Variants in DNAAF4 observed in about 807,000 individuals in gnomAD.
DNAAF4 encodes dynein axonemal assembly factor 4, also known as dynein assembly factor 4, axonemal.
Under a neutral mutation model 51.8 loss-of-function variants are expected in DNAAF4, and 43 were observed. The ratio of observed to expected loss-of-function variants is 0.83; its 90% CI spans 0.65 to 1.07. The LOEUF is 1.07. DNAAF4 is among the 50% of genes least tolerant of loss of function. The pLI is 0.00. For synonymous variants in DNAAF4, 194 were observed against 165.6 expected (o/e 1.17, Z -1.32); for missense variants, 581 against 493.0 (o/e 1.18, Z -1.69).
At chr15:55,465,558 T>C (rs549886509) in intron 5 of DNAAF4, among the ~76,000 whole-genome samples, 1 of 150,602 alleles carries the variant, frequency 6.6e-6, no homozygotes, top group African/African-American at 2.5e-5. Context: ...ATACCATATG[T>C]TCTCACTTTT....
chr15:55,433,838 T>TTATA (rs1458092275), intron 8 of DNAAF4, among the ~76,000 whole-genome samples: 7,340 of 67,194 alleles, frequency 0.11, 563 homozygotes, highest in Non-Finnish European at 0.16. Flanking sequence ...ATTACATATA[T>TTATA]TATATATTAT....
chr15:55,485,823 T>C (rs371477873), intron 4 of DNAAF4, among the ~76,000 whole-genome samples: 9 of 151,816 alleles, frequency 5.9e-5, no homozygotes, highest in East Asian at 3.9e-4. Context: ...TGAAACCCCA[T>C]CTCTACCAAA....
chr15:55,478,287 T>C (rs952475072), intron 4 of DNAAF4, among the ~76,000 whole-genome samples: 5 of 152,208 alleles, frequency 3.3e-5, no homozygotes, highest in African/African-American at 9.6e-5. Flanking sequence ...AACCTGCCAA[T>C]TTGAAAAACA....
Position 55,497,821 on chromosome 15 carries a change from A to C in DNAAF4, c.162T>G (p.Tyr54Ter). The change falls in exon 3 of 10, where the codon TAT becomes TAG. Residue 54 changes from tyrosine to a stop codon, truncating the protein, a stop_gained. Coordinates refer to ENST00000321149, the MANE Select transcript of DNAAF4 (RefSeq NM_130810.4). LOFTEE classifies it high-confidence loss of function. ...TGCTGCTCTCATCGTCTATGGGAGC[A>C]TAAAGAAATGCCTCAAATAAAAATG... ...FPPFLFEAFL[Y>*]APIDDESSKA... is the part of the protein sequence containing the mutation. 6.2e-7 allele frequency: 1 copy of C among 1,613,110 alleles called. No homozygotes were observed. Among genetic ancestry groups the C allele is most frequent in the Non-Finnish European group, 8.5e-7 (1 of 1,179,682 alleles).
chr15:55,467,157 T>C lies in DNAAF4; in HGVS notation c.410A>G (p.Glu137Gly). The C allele has an allele frequency of 6.5e-7, 1 of 1,537,260 alleles. No homozygotes were observed. Among genetic ancestry groups the C allele is most frequent in the Non-Finnish European group, 8.8e-7 (1 of 1,142,038 alleles). Reference sequence around the variant, plus strand: ...TTCTATTTTTTTCCTCTCTTCTTCTTCAATCTATAACAATTGCAATTACCA... The same window carrying C: ...TTCTATTTTTTTCCTCTCTTCTTCTCCAATCTATAACAATTGCAATTACCA... Reference protein sequence around the residue: ...KYALSVMMKIEEEERKKIEDM... With the variant: ...KYALSVMMKIGEEERKKIEDM... The change falls in exon 5 of 10, where the codon GAA becomes GGA. Residue 137 changes from glutamate to glycine, a missense_variant. Physicochemically the swap from Glu to Gly is moderately conservative, Grantham distance 98 (BLOSUM62 -2). Coordinates refer to ENST00000321149, the MANE Select transcript of DNAAF4 (RefSeq NM_130810.4).
intron 5 of DNAAF4, among the ~76,000 whole-genome samples, chr15:55,450,738 A>G (rs540863270): frequency 1.6e-4 from 24 of 152,306 alleles, no homozygotes; most frequent in African/African-American, 5.8e-4. Flanking sequence ...TATCTCCTAC[A>G]TACTTTATCT....
intron 4 of DNAAF4, among the ~76,000 whole-genome samples, chr15:55,489,090 A>G (rs1441547551): frequency 1.3e-5 from 2 of 149,980 alleles, no homozygotes; most frequent in African/African-American, 4.9e-5. Context: ...CTCCATCTCA[A>G]AAAAAAAAAA....
At chr15:55,450,434 A>T in intron 5 of DNAAF4, 67 bp from the exon 6 acceptor site, 1 of 1,521,010 alleles carries the variant, frequency 6.6e-7, no homozygotes, top group Non-Finnish European at 8.9e-7. Flanking sequence ...CAACTGATAA[A>T]GTAATTACAC....
rs1293499690 is a variant in DNAAF4 at position 55,448,532 on chromosome 15, GTGTGTGTGT to G, written c.783+1681_783+1689del. ...AAAAAAAAAAAGGGTGTGTGTGTGT[GTGTGTGTGT>G]GTGTGTGTGTGTGTGTGTATAAACA... On this transcript the variant is annotated intron_variant, in intron 6 of 9. Transcript: ENST00000321149. Among the ~76,000 whole-genome samples the G allele has an allele frequency of 3.2e-3, 414 of 129,802 alleles. 7 individuals carry two copies. Among genetic ancestry groups the G allele is most frequent in the African/African-American group, 0.012 (395 of 32,204 alleles). 85.2% of individuals were successfully genotyped at this position (129,802 alleles called of 152,430 possible). A position where few individuals can be genotyped will look rare whatever the true frequency, so the allele number is the denominator to read the frequency against.
At chr15:55,426,257 G>A (rs1233361001), downstream of DNAAF4, among the ~76,000 whole-genome samples, 1 of 152,178 alleles carries the variant, frequency 6.6e-6, no homozygotes, top group Non-Finnish European at 1.5e-5. Context: ...GCAGTTTAGT[G>A]AGGGTCAGAA....
intron 4 of DNAAF4, 68 bp downstream of exon 4, chr15:55,491,055 G>C (rs192844280): frequency 6.4e-7 from 1 of 1,570,586 alleles, no homozygotes; most frequent in East Asian, 2.3e-5. Flanking sequence ...CCAGCAGCTG[G>C]AACTCACTAT....
intron 1 of DNAAF4, among the ~76,000 whole-genome samples, chr15:55,502,743 G>T (rs554232602): frequency 1.3e-5 from 2 of 152,118 alleles, no homozygotes; most frequent in African/African-American, 4.8e-5. Flanking sequence ...AAGACACAAC[G>T]TACCAGAATC....
rs755746635 is a variant in DNAAF4 at position 55,439,455 on chromosome 15, G to C, written c.893+17C>G. Reference sequence around the variant, plus strand: ...TCATACATGATAAAGCTCATGATCAGAGTTCAAACAACTTACTTTCCTTTA... The same window carrying C: ...TCATACATGATAAAGCTCATGATCACAGTTCAAACAACTTACTTTCCTTTA... On this transcript the variant is annotated intron_variant, in intron 7 of 9. Coordinates refer to ENST00000321149, the MANE Select transcript of DNAAF4 (RefSeq NM_130810.4). 6.3e-7 allele frequency: 1 copy of C among 1,587,788 alleles called. No homozygotes were observed. The highest frequency in any genetic ancestry group is 1.1e-5 in the South Asian group (1 of 90,264).
chr15:55,437,868 A>G (rs2057640884), intron 7 of DNAAF4, among the ~76,000 whole-genome samples: 1 of 152,198 alleles, frequency 6.6e-6, no homozygotes, highest in African/African-American at 2.4e-5. Flanking sequence ...CTCATTTTGG[A>G]CTTCTGAATT....
chr15:55,425,786 TTCACAACC>T (rs2057425778), downstream of DNAAF4, among the ~76,000 whole-genome samples: 1 of 152,210 alleles, frequency 6.6e-6, no homozygotes, highest in Non-Finnish European at 1.5e-5. Flanking sequence ...CTTGATGTAA[TTCACAACC>T]TCTTTCTGGG....
chr15:55,477,970 G>C (rs75130663), intron 4 of DNAAF4, among the ~76,000 whole-genome samples: 2,252 of 152,192 alleles, frequency 0.015, 41 homozygotes, highest in African/African-American at 0.044. Context: ...CAGCACTGGA[G>C]GACTGACTGC....
intron 1 of DNAAF4, among the ~76,000 whole-genome samples, chr15:55,501,099 C>G (rs2058695139): frequency 6.6e-6 from 1 of 151,478 alleles, no homozygotes; most frequent in South Asian, 2.1e-4. Context: ...GAGTCTCACT[C>G]TCTCACCAGG....
chr15:55,451,823 G>A (rs569913612), intron 5 of DNAAF4, among the ~76,000 whole-genome samples: 1 of 151,920 alleles, frequency 6.6e-6, no homozygotes, highest in Non-Finnish European at 1.5e-5. Flanking sequence ...GTCTTGTTTT[G>A]TTGCCCAGGC....
At chr15:55,464,373 C>G (rs1236171908) in intron 5 of DNAAF4, among the ~76,000 whole-genome samples, 1 of 152,072 alleles carries the variant, frequency 6.6e-6, no homozygotes, top group Non-Finnish European at 1.5e-5. Flanking sequence ...ACTGGAAAAC[C>G]CCTTCTAACA....
Sources: allele counts gnomAD v4.1 joint callset (sites outside exome capture counted in the v4.1 genomes callset), GRCh38; gene constraint gnomAD v4.1.1; transcripts MANE v1.5; gene names NCBI Gene and HGNC (gene_info 2026-07-23, HGNC 2026-07-21).